Variants in CCBE1 observed in about 807,000 individuals in gnomAD.
The protein encoded by CCBE1 is collagen and calcium-binding EGF domain-containing protein 1.
In CCBE1, 37 loss-of-function variants were observed where a neutral mutation model predicts 50.0. The observed-to-expected ratio is 0.74, with a 90% CI of 0.57 to 0.97. The LOEUF (loss-of-function observed/expected upper bound fraction) is 0.97. Among genes scored for constraint, CCBE1 ranks in the 50% least tolerant of loss-of-function variants. The probability of loss-of-function intolerance (pLI) is 0.00; values close to 1 mark genes in which losing one functional copy is unlikely to be tolerated. For synonymous variants in CCBE1, 234 were observed against 203.7 expected (o/e 1.15, Z -1.27); for missense variants, 538 against 523.8 (o/e 1.03, Z -0.26).
At chr18:59,662,869 T>G (rs2144691923) in intron 2 of CCBE1, among the ~76,000 whole-genome samples, 1 of 152,332 alleles carries the variant, frequency 6.6e-6, no homozygotes, top group South Asian at 2.1e-4. Flanking sequence ...TCCCAGCTAC[T>G]TGAGAGGCAG....
chr18:59,697,339 C>T lies in CCBE1; in HGVS notation c.4G>A (p.Val2Met). The change falls in exon 1 of 11, where the codon GTG (valine) becomes ATG (methionine). Residue 2 changes from valine to methionine, a missense_variant. By Grantham distance (21) the Val-to-Met change is conservative. Coordinates refer to ENST00000439986, the MANE Select transcript of CCBE1 (RefSeq NM_133459.4). MVPPPPSRGGAA... is the reference protein window; with the variant it reads MMPPPPSRGGAA... ...CCTCCCCGGCTCGGAGGCGGCGGCA[C>T]CATCAGGGAAGCTCCCGGCTTCTTC... is the stretch of plus-strand genomic sequence containing the variant. 1 of 1,547,246 alleles carries T rather than the reference C, an allele frequency of 6.5e-7. No homozygotes were observed. Among genetic ancestry groups the T allele is most frequent in the Non-Finnish European group, 8.7e-7 (1 of 1,146,768 alleles).
At chr18:59,620,463 T>A (rs1186110073) in intron 2 of CCBE1, among the ~76,000 whole-genome samples, 1 of 152,096 alleles carries the variant, frequency 6.6e-6, no homozygotes, top group Non-Finnish European at 1.5e-5. Flanking sequence ...TTGACCTACA[T>A]GAGATTGTTT....
At chr18:59,460,722 G>A (rs1352269312) in intron 5 of CCBE1, among the ~76,000 whole-genome samples, 6 of 151,978 alleles carry the variant, frequency 3.9e-5, no homozygotes, top group African/African-American at 9.7e-5. Context: ...GCCTGAGATC[G>A]GGAGTTCGAG....
At chr18:59,544,489 T>C (rs2144393604) in intron 2 of CCBE1, among the ~76,000 whole-genome samples, 1 of 152,382 alleles carries the variant, frequency 6.6e-6, no homozygotes, top group South Asian at 2.1e-4. Flanking sequence ...ACATAAGATG[T>C]ACTTTTGCAG....
chr18:59,647,282 T>C (rs1281165157), intron 2 of CCBE1, among the ~76,000 whole-genome samples: 2 of 152,202 alleles, frequency 1.3e-5, no homozygotes, highest in African/African-American at 4.8e-5. Flanking sequence ...ATACCATTAG[T>C]TAAATGGCTG....
At chr18:59,460,293 T>G (rs1358403808) in intron 5 of CCBE1, among the ~76,000 whole-genome samples, 1 of 152,212 alleles carries the variant, frequency 6.6e-6, no homozygotes, top group African/African-American at 2.4e-5. Flanking sequence ...TGATTTCAAA[T>G]TCCTCTGATT....
intron 2 of CCBE1, among the ~76,000 whole-genome samples, chr18:59,522,293 A>G (rs571393185): frequency 6.6e-6 from 1 of 152,202 alleles, no homozygotes; most frequent in Non-Finnish European, 1.5e-5. Context: ...AAGTGAAACA[A>G]CGTAAGATGA....
chr18:59,513,956 G>A (rs1246248906), intron 2 of CCBE1, among the ~76,000 whole-genome samples: 1 of 152,174 alleles, frequency 6.6e-6, no homozygotes, highest in African/African-American at 2.4e-5. Context: ...GACTTGCACA[G>A]CTCTGCTGAT....
chr18:59,513,728 G>A (rs1914238331), intron 2 of CCBE1, among the ~76,000 whole-genome samples: 1 of 152,202 alleles, frequency 6.6e-6, no homozygotes, highest in Admixed American at 6.5e-5. Context: ...GACGGGCCTG[G>A]CAATGGTAAC....
At chr18:59,631,591 C>A (rs930861510) in intron 2 of CCBE1, among the ~76,000 whole-genome samples, 7 of 152,216 alleles carry the variant, frequency 4.6e-5, no homozygotes, top group Non-Finnish European at 8.8e-5. Context: ...CAGCTACCTG[C>A]AAATCACACC....
chr18:59,443,929 TCTA>T (rs1239475178), intron 7 of CCBE1, among the ~76,000 whole-genome samples: 1 of 152,212 alleles, frequency 6.6e-6, no homozygotes, highest in Non-Finnish European at 1.5e-5. Context: ...TAACAACCAG[TCTA>T]CTTTCTGTTT....
chr18:59,460,192 T>C (rs1338734220), intron 5 of CCBE1, among the ~76,000 whole-genome samples: 2 of 152,216 alleles, frequency 1.3e-5, no homozygotes, highest in Non-Finnish European at 2.9e-5. Context: ...CTGAAGCCAG[T>C]GGATTGCAAC....
intron 2 of CCBE1, among the ~76,000 whole-genome samples, chr18:59,507,815 C>T (rs1913944492): frequency 6.6e-6 from 1 of 152,160 alleles, no homozygotes; most frequent in South Asian, 2.1e-4. Flanking sequence ...TAAACCTTTA[C>T]ATCTTTCCCT....
At chr18:59,650,894 T>C (rs553226424) in intron 2 of CCBE1, among the ~76,000 whole-genome samples, 44 of 151,870 alleles carry the variant, frequency 2.9e-4, no homozygotes, top group African/African-American at 1.1e-3. Context: ...AAAGATTCCT[T>C]TCCTGGCCTG....
intron 2 of CCBE1, among the ~76,000 whole-genome samples, chr18:59,586,443 C>T (rs951104084): frequency 2.6e-5 from 4 of 152,326 alleles, no homozygotes; most frequent in African/African-American, 9.6e-5. Flanking sequence ...GAGTGGCCCC[C>T]ACTGTGTTTA....
chr18:59,449,499 G>T (rs1323350070), intron 6 of CCBE1, among the ~76,000 whole-genome samples: 2 of 152,066 alleles, frequency 1.3e-5, no homozygotes, highest in Non-Finnish European at 2.9e-5. Flanking sequence ...GTGCACGCCT[G>T]TAGTCCCGGC....
chr18:59,630,514 G>C (rs2053837139), intron 2 of CCBE1, among the ~76,000 whole-genome samples: 1 of 152,096 alleles, frequency 6.6e-6, no homozygotes, highest in African/African-American at 2.4e-5. Context: ...CTTCTGTTTG[G>C]GTGTGGCATT....
chr18:59,469,270 T>C (rs535820427), intron 4 of CCBE1, among the ~76,000 whole-genome samples: 24 of 152,372 alleles, frequency 1.6e-4, no homozygotes, highest in African/African-American at 5.8e-4. Context: ...ATTAGGACCT[T>C]GCTGGTACCA....
rs145384575 is a variant in CCBE1, at chr18:59,504,501, T to A, written c.213-24263A>T. On this transcript the variant is annotated intron_variant, in intron 2 of 10. Transcript: ENST00000439986. ...GAGCTTGTGCCTATATTTATACACA[T>A]CCTGGATTTAGGATAGATGCTAAAT... 3.9e-3 allele frequency among the ~76,000 whole-genome samples: 595 copies of A among 152,094 alleles called. 1 individual carries two copies. The highest frequency in any genetic ancestry group is 6.9e-3 in the Non-Finnish European group (472 of 68,012).
Sources: allele counts gnomAD v4.1 joint callset (sites outside exome capture counted in the v4.1 genomes callset), GRCh38; gene constraint gnomAD v4.1.1; transcripts MANE v1.5; gene names NCBI Gene and HGNC (gene_info 2026-07-23, HGNC 2026-07-21).